CCDC86: variants seen among roughly 807,000 people sequenced by gnomAD.
The protein encoded by CCDC86 is coiled-coil domain containing 86.
Under a neutral mutation model 36.7 loss-of-function variants are expected in CCDC86, and 28 were observed. The ratio of observed to expected loss-of-function variants is 0.76; its 90% confidence interval spans 0.57 to 1.05. CCDC86 has a LOEUF of 1.05. Among genes scored for constraint, CCDC86 ranks in the 50% least tolerant of loss-of-function variants. The pLI, the probability that CCDC86 is intolerant of heterozygous loss-of-function variation, is 0.00. For synonymous variants in CCDC86, 199 were observed against 203.4 expected (o/e 0.98, Z 0.18); for missense variants, 453 against 470.2 (o/e 0.96, Z 0.34).
rs1222558808 is a variant in CCDC86, at chr11:60,842,709, G to A, written c.585G>A (p.Pro195=). 6.2e-7 allele frequency: 1 copy of A among 1,613,746 alleles called. No individual in the cohort carries two copies. The highest frequency in any genetic ancestry group is 8.5e-7 in the Non-Finnish European group (1 of 1,179,810). ...GCTCCCCCCGGGGTCAGCATGAGCC[G>A]AGCAAGCCACCTCCAGCTGGGGAGA... is the stretch of plus-strand genomic sequence containing the variant. The part of the protein sequence containing the change: ...APGSPRGQHE[P]SKPPPAGETV... The change falls in exon 1 of 4, where the codon CCG becomes CCA. Residue 195 remains proline, a synonymous_variant. Transcript: ENST00000227520.
rs146017580 is a variant in CCDC86 at position 60,842,778 on chromosome 11, A to T, written c.654A>T (p.Ser218=). The T allele has an allele frequency of 1.9e-6, 3 of 1,612,878 alleles. No individual in the cohort carries two copies. Among genetic ancestry groups the T allele is most frequent in the Non-Finnish European group, 2.5e-6 (3 of 1,179,046 alleles). ...GGGCAAAGAAGCGAAAAGGTTCTTCATCCCAGGCCCCAGCGTCCAAGAAGT... is the reference window on the plus strand; with the variant it reads ...GGGCAAAGAAGCGAAAAGGTTCTTCTTCCCAGGCCCCAGCGTCCAAGAAGT... ...GFGAKKRKGS[S]SQAPASKKLN... is the part of the protein sequence containing the mutation. Residue 218 remains serine, a synonymous_variant, in exon 1 of 4, where the codon TCA becomes TCT. Transcript: ENST00000227520.
At chr11:60,847,878 G>T in intron 1 of CCDC86, 46 bp from the exon 2 acceptor site, 2 of 1,564,072 alleles carry the variant, frequency 1.3e-6, no homozygotes, top group Non-Finnish European at 1.7e-6. Flanking sequence ...GGCATGGGTG[G>T]CGCTTGCCCC....
In CCDC86 at chr11:60,844,142, C is replaced by G. The variant is rs1037002690; in HGVS notation, c.758+1260C>G. ...GCGGGTGAAGCTTGGGGTCCTGGTA[C>G]TCACGCTGCAGGTGGGGAGATGGGC... is the stretch of plus-strand genomic sequence containing the variant. On this transcript the variant is annotated intron_variant, in intron 1 of 3. Coordinates refer to ENST00000227520, the MANE Select transcript of CCDC86 (RefSeq NM_024098.4). 2.6e-5 allele frequency among the ~76,000 whole-genome samples: 4 copies of G among 152,088 alleles called. No homozygotes were observed. The South Asian group carries it at 8.3e-4, about 32-fold the overall frequency.
chr11:60,850,086 C>T (rs1590575582), intron 3 of CCDC86, 72 bp downstream of exon 3: 5 of 1,604,414 alleles, frequency 3.1e-6, no homozygotes, highest in East Asian at 4.5e-5. Flanking sequence ...CGACCCCTGC[C>T]TCATGTACCC....
chr11:60,845,931 C>T (rs1278559852), intron 1 of CCDC86, among the ~76,000 whole-genome samples: 2 of 152,112 alleles, frequency 1.3e-5, no homozygotes, highest in South Asian at 2.1e-4. Context: ...GTACCTTAGC[C>T]GCCAGCCACA....
chr11:60,843,520 C>G lies in CCDC86; in HGVS notation c.758+638C>G, dbSNP rs139459080. ...CAGATCTGATTCCGAAGCCTGTGTG[C>G]AAAAAACCCCTTTACCCAATCCCTG... On this transcript the variant is annotated intron_variant, in intron 1 of 3. Coordinates refer to ENST00000227520, the MANE Select transcript of CCDC86 (RefSeq NM_024098.4). Among the ~76,000 whole-genome samples, 81 of 152,222 alleles carry G rather than the reference C, an allele frequency of 5.3e-4. No individual in the cohort carries two copies. The East Asian group carries it at 0.013, about 25-fold the overall frequency.
Position 60,842,309 on chromosome 11 carries a change from C to T in CCDC86, c.185C>T (p.Pro62Leu), listed in dbSNP as rs748084159. 1.9e-6 allele frequency: 3 copies of T among 1,613,620 alleles called. No individual in the cohort carries two copies. The highest frequency in any genetic ancestry group is 1.7e-5 in the Admixed American group (1 of 60,004). The change falls in exon 1 of 4, where the codon CCG (proline) becomes CTG (leucine). Residue 62 changes from proline to leucine, a missense_variant. By Grantham distance (98) the Pro-to-Leu change is moderately conservative (BLOSUM62 -3). Coordinates refer to ENST00000227520, the MANE Select transcript of CCDC86 (RefSeq NM_024098.4). The stretch of plus-strand genomic sequence containing the variant: ...GCTGGCCTGGGGTCCCCCGAAAGGC[C>T]GCCGAAGACAAGCCCAGGATCACCC... ...QRAGLGSPER[P>L]PKTSPGSPRL...
intron 1 of CCDC86, among the ~76,000 whole-genome samples, chr11:60,846,383 A>T (rs1424709093): frequency 1.3e-5 from 2 of 152,272 alleles, no homozygotes; most frequent in East Asian, 3.9e-4. Flanking sequence ...TCTTTAAAAG[A>T]GAAAGACCTA....
In CCDC86 at chr11:60,842,406, TCAGCAA is replaced by T; in HGVS notation, c.283_288del (p.Gln95_Gln96del). ...AGCCAGGCGCAGCGTCCCCCCAGCG[TCAGCAA>T]GACCTACACCTGGAGTCGCCTCAAA... On this transcript the variant is annotated inframe_deletion, in exon 1 of 4. Transcript: ENST00000227520. 6.2e-7 allele frequency: 1 copy of T among 1,611,956 alleles called. No individual in the cohort carries two copies. Among genetic ancestry groups the T allele is most frequent in the South Asian group, 1.1e-5 (1 of 90,950 alleles).
chr11:60,848,049 G>A lies in CCDC86; in HGVS notation c.884G>A (p.Arg295His), dbSNP rs767966462. The A allele has an allele frequency of 3.1e-6, 5 of 1,612,154 alleles. No homozygotes were observed. The highest frequency in any genetic ancestry group is 2.2e-5 in the South Asian group (2 of 90,920). The change falls in exon 2 of 4, where the codon CGC becomes CAC. Residue 295 changes from arginine (R) to histidine (H), a missense_variant. By Grantham distance (29) the Arg-to-His change is conservative. Transcript: ENST00000227520. ...CTGGAGGAGGAGAAGGAGAGGCGCCGCCAGGTGAGGGGCCAGCCAGGCTGA... is the reference window on the plus strand; with the variant it reads ...CTGGAGGAGGAGAAGGAGAGGCGCCACCAGGTGAGGGGCCAGCCAGGCTGA... The part of the protein sequence containing the change: ...RHLEEEKERR[R>H]QEKKQRRAEN...
At chr11:60,843,001 A>T in intron 1 of CCDC86, 119 bp downstream of exon 1, 2 of 1,308,828 alleles carry the variant, frequency 1.5e-6, no homozygotes, top group Non-Finnish European at 2.0e-6. Flanking sequence ...GTTAGTGGGG[A>T]TGTTAGCAAA....
At position 60,842,279 on chromosome 11, in the gene CCDC86, A is replaced by G; in HGVS notation, c.155A>G (p.Gln52Arg). 6.2e-7 allele frequency: 1 copy of G among 1,613,488 alleles called. No individual in the cohort carries two copies. The highest frequency in any genetic ancestry group is 8.5e-7 in the Non-Finnish European group (1 of 1,179,934). Residue 52 changes from glutamine to arginine, a missense_variant, in exon 1 of 4, where the codon CAG (glutamine) becomes CGG (arginine). By Grantham distance (43) the Gln-to-Arg change is conservative. Coordinates refer to ENST00000227520, the MANE Select transcript of CCDC86 (RefSeq NM_024098.4). ...GAGCCCGGGTCTCCTCCGAGTGTGC[A>G]GCGGGCTGGCCTGGGGTCCCCCGAA... ...TREPGSPPSV[Q>R]RAGLGSPERP...
At chr11:60,843,122 G>A (rs1855145384) in intron 1 of CCDC86, among the ~76,000 whole-genome samples, 1 of 152,164 alleles carries the variant, frequency 6.6e-6, no homozygotes, top group Admixed American at 6.5e-5. Context: ...GGTCCCTATG[G>A]GCCTCTCCTG....
chr11:60,847,763 C>T (rs1855204635), intron 1 of CCDC86, 161 bp from the exon 2 acceptor site: 2 of 943,558 alleles, frequency 2.1e-6, no homozygotes, highest in Non-Finnish European at 3.1e-6. Flanking sequence ...CCCTCCCGCC[C>T]CAAGTTTCTG....
Position 60,850,321 on chromosome 11 carries a change from T to C in CCDC86, c.1079T>C (p.Ile360Thr). The C allele has an allele frequency of 1.2e-6, 2 of 1,614,060 alleles. No individual in the cohort carries two copies. The highest frequency in any genetic ancestry group is 1.1e-5 in the South Asian group (1 of 91,078). Residue 360 changes from isoleucine to threonine, a missense_variant, in exon 4 of 4, where the codon ATC (isoleucine) becomes ACC (threonine). By Grantham distance (89) the Ile-to-Thr change is moderately conservative. Coordinates refer to ENST00000227520, the MANE Select transcript of CCDC86 (RefSeq NM_024098.4). ...KQPPQQPAAK[I>T] The stretch of plus-strand genomic sequence containing the variant: ...CCGCCCCAGCAGCCGGCAGCCAAGA[T>C]CTGAGCTCAGGACGGCCCGAGGCCT...
chr11:60,849,827 A>G, intron 2 of CCDC86, 113 bp from the exon 3 acceptor site: 2 of 862,146 alleles, frequency 2.3e-6, no homozygotes, highest in Non-Finnish European at 1.9e-6. Context: ...CCTGGCAGAG[A>G]GGGCCTTTCC....
Position 60,848,012 on chromosome 11 carries a change from T to C in CCDC86, c.847T>C (p.Phe283Leu), listed in dbSNP as rs775372033. ...ACAGGAGAGGAAGCTGGCCAAGGAC[T>C]TTGCCCGTCACCTGGAGGAGGAGAA... ...ERQERKLAKD[F>L]ARHLEEEKER... is the part of the protein sequence containing the mutation. The change falls in exon 2 of 4, where the codon TTT (phenylalanine) becomes CTT (leucine). Residue 283 changes from phenylalanine (F) to leucine (L), a missense_variant. Phe to Leu is a conservative substitution (Grantham distance 22, BLOSUM62 0). Transcript: ENST00000227520. 6.2e-7 allele frequency: 1 copy of C among 1,613,544 alleles called. No homozygotes were observed. The highest frequency in any genetic ancestry group is 1.7e-5 in the Admixed American group (1 of 60,000).
chr11:60,850,339 C>T lies in CCDC86; in HGVS notation c.*14C>T, dbSNP rs117062491. The T allele has an allele frequency of 1.2e-3, 1,883 of 1,612,038 alleles. 30 individuals carry two copies. In the East Asian group the frequency reaches 0.038, roughly 32 times the overall value. On this transcript the variant is annotated 3_prime_UTR_variant, in exon 4 of 4. Transcript: ENST00000227520. ...GCCAAGATCTGAGCTCAGGACGGCC[C>T]GAGGCCTTCCATGGCCAACAACCAT... is the stretch of plus-strand genomic sequence containing the variant.
intron 1 of CCDC86, among the ~76,000 whole-genome samples, chr11:60,844,886 C>T (rs1855164480): frequency 3.3e-5 from 5 of 152,226 alleles, no homozygotes; most frequent in Admixed American, 6.5e-5. Context: ...CTTGGGTAAA[C>T]ATGTCTGTGA....
Sources: gnomAD v4.1 joint callset for allele counts (sites outside exome capture counted in the v4.1 genomes callset) on GRCh38, gnomAD v4.1.1 for gene constraint, MANE v1.5 for transcripts, NCBI Gene and HGNC (gene_info 2026-07-23, HGNC 2026-07-21) for gene names.